The following CCDC7 variants were observed in gnomAD, a reference collection of about 807,000 sequenced individuals.
CCDC7 encodes coiled-coil domain-containing protein 7.
CCDC7 carries 183 observed loss-of-function variants against 196.9 expected under a neutral mutation model. That is an observed-to-expected ratio of 0.93 (90% confidence interval 0.82 to 1.05). The LOEUF (loss-of-function observed/expected upper bound fraction) is 1.05. Ranked by LOEUF, CCDC7 falls within the 50% of genes least tolerant of loss-of-function variation. CCDC7 has a pLI of 0.00. For synonymous variants in CCDC7, 525 were observed against 484.6 expected (o/e 1.08, Z -1.10); for missense variants, 1,540 against 1,482.2 (o/e 1.04, Z -0.64).
intron 25 of CCDC7, among the ~76,000 whole-genome samples, chr10:32,716,386 C>T (rs1482133928): frequency 6.6e-6 from 1 of 152,204 alleles, no homozygotes; most frequent in Non-Finnish European, 1.5e-5. Context: ...CTTACAAGAG[C>T]TCCTGAAGGA....
chr10:32,500,892 G>A (rs1006692836), intron 9 of CCDC7, among the ~76,000 whole-genome samples: 36 of 152,118 alleles, frequency 2.4e-4, no homozygotes, highest in African/African-American at 6.5e-4. Flanking sequence ...CAAAAAATAC[G>A]AAAACCAGTC....
At position 32,720,562 on chromosome 10, in the gene CCDC7, TAAAC is replaced by T. The variant is rs371365059; in HGVS notation, c.2570-6171_2570-6168del. 3.2e-3 allele frequency among the ~76,000 whole-genome samples: 488 copies of T among 152,262 alleles called. 1 individual carries two copies. The highest frequency in any genetic ancestry group is 0.011 in the African/African-American group (459 of 41,550). On this transcript the variant is annotated intron_variant, in intron 25 of 41. Transcript: ENST00000639629. ...TGTTCTGCACATGTATCCCAGAACTTAAACTATAATTATAATTTAAAAAAGACAA... is the reference window on the plus strand; with the variant it reads ...TGTTCTGCACATGTATCCCAGAACTTTATAATTATAATTTAAAAAAGACAA...
intron 18 of CCDC7, among the ~76,000 whole-genome samples, chr10:32,598,526 G>A (rs553826313): frequency 2.6e-5 from 4 of 152,292 alleles, no homozygotes; most frequent in Non-Finnish European, 5.9e-5. Flanking sequence ...AGATGAACCC[G>A]GTACCTCAGT....
chr10:32,873,038 G>A (rs2094484917), intron 41 of CCDC7, among the ~76,000 whole-genome samples: 1 of 152,030 alleles, frequency 6.6e-6, no homozygotes, highest in Admixed American at 6.6e-5. Context: ...TTCTCGAGGA[G>A]TATCTTTTTG....
At chr10:32,465,122 T>TA (rs1266110367) in intron 5 of CCDC7, among the ~76,000 whole-genome samples, 24 of 65,778 alleles carry the variant, frequency 3.6e-4, no homozygotes, top group Admixed American at 2.9e-3. Flanking sequence ...TTTTTTTTTT[T>TA]TAAAGTATTC....
At chr10:32,763,012 A>C (rs2077693757) in intron 28 of CCDC7, among the ~76,000 whole-genome samples, 1 of 151,964 alleles carries the variant, frequency 6.6e-6, no homozygotes, top group Admixed American at 6.6e-5. Flanking sequence ...ATACAAGTGG[A>C]AGTATAATAA....
At chr10:32,787,237 T>G (rs533911671) in intron 29 of CCDC7, among the ~76,000 whole-genome samples, 1 of 151,960 alleles carries the variant, frequency 6.6e-6, no homozygotes, top group Non-Finnish European at 1.5e-5. Context: ...AACTCAGAGA[T>G]CCACACCGAG....
intron 18 of CCDC7, among the ~76,000 whole-genome samples, chr10:32,619,581 C>T (rs2063152321): frequency 6.6e-6 from 1 of 151,952 alleles, no homozygotes; most frequent in African/African-American, 2.4e-5. Flanking sequence ...TTAGCCCTAC[C>T]AGATCTTAGA....
chr10:32,605,800 G>A (rs72795566), intron 18 of CCDC7, among the ~76,000 whole-genome samples: 13,238 of 152,180 alleles, frequency 0.087, 827 homozygotes, highest in East Asian at 0.33. Context: ...TAAAAGGGAA[G>A]CAGAGAATAA....
In CCDC7 at chr10:32,702,336, G is replaced by A. The variant is rs555438683; in HGVS notation, c.2458+7344G>A. The stretch of plus-strand genomic sequence containing the variant: ...TCCATGTAGTTGAGCGGTTTTGAGT[G>A]ACTTTCTTAATCCTGAGTTCTAGTT... On this transcript the variant is annotated intron_variant, in intron 24 of 41. Coordinates refer to ENST00000639629, the Ensembl canonical transcript of CCDC7. 2.0e-5 allele frequency among the ~76,000 whole-genome samples: 3 copies of A among 152,246 alleles called. No individual in the cohort carries two copies. In the East Asian group the frequency reaches 5.8e-4, roughly 29 times the overall value.
chr10:32,544,152 T>C, intron 12 of CCDC7, 95 bp from the exon 14 acceptor site: 1 of 1,066,488 alleles, frequency 9.4e-7, no homozygotes. Flanking sequence ...AAAACTTCAT[T>C]ATTTTAAAAT....
chr10:32,769,201 C>T lies in CCDC7; in HGVS notation c.2906-9776C>T, dbSNP rs374776376. On this transcript the variant is annotated intron_variant, in intron 28 of 41. Coordinates refer to ENST00000639629, the Ensembl canonical transcript of CCDC7. ...TCTTACTACTCCTTATTGGTCTGTT[C>T]AGGATTTCTGTTTCTTCCTGGTTCA... Among the ~76,000 whole-genome samples the T allele has an allele frequency of 3.7e-4, 57 of 152,042 alleles. 1 individual carries two copies. The East Asian group carries it at 4.4e-3, about 12-fold the overall frequency.
chr10:32,470,176 T>C (rs1244567621), intron 5 of CCDC7, among the ~76,000 whole-genome samples: 3 of 152,164 alleles, frequency 2.0e-5, no homozygotes, highest in African/African-American at 7.2e-5. Context: ...AAAAATGAAG[T>C]CTCTGTTCTA....
intron 21 of CCDC7, among the ~76,000 whole-genome samples, chr10:32,677,205 G>T (rs2075137256): frequency 7.4e-6 from 1 of 135,796 alleles, no homozygotes; most frequent in Non-Finnish European, 1.6e-5. Flanking sequence ...TCACACTCTG[G>T]GGACTGTTGT....
intron 16 of CCDC7, among the ~76,000 whole-genome samples, chr10:32,578,183 A>C (rs1400195132): frequency 6.6e-6 from 1 of 152,030 alleles, no homozygotes; most frequent in Non-Finnish European, 1.5e-5. Context: ...TTGAAGAATC[A>C]CCAGGTGTAA....
intron 9 of CCDC7, among the ~76,000 whole-genome samples, chr10:32,505,360 A>ATTAGGGACATGGTGGT (rs2044741731): frequency 6.6e-6 from 1 of 151,928 alleles, no homozygotes; most frequent in Non-Finnish European, 1.5e-5. Context: ...TGGGTACTTG[A>ATTAGGGACATGGTGGT]GATTAGGGAG....
intron 18 of CCDC7, among the ~76,000 whole-genome samples, chr10:32,589,890 T>C (rs571631760): frequency 1.3e-5 from 2 of 152,270 alleles, no homozygotes; most frequent in African/African-American, 4.8e-5. Flanking sequence ...TTTTTTGGTT[T>C]CCATTTGCAT....
intron 9 of CCDC7, 101 bp from the exon 11 acceptor site, chr10:32,517,844 A>G: frequency 1.5e-6 from 2 of 1,342,426 alleles, no homozygotes; most frequent in Non-Finnish European, 2.0e-6. Context: ...GCAGCAACTA[A>G]TTACTGAATA....
intron 24 of CCDC7, among the ~76,000 whole-genome samples, chr10:32,699,763 G>A (rs534141533): frequency 6.7e-6 from 1 of 149,528 alleles, no homozygotes; most frequent in South Asian, 2.1e-4. Flanking sequence ...GTGTGAGATG[G>A]TATCTCATTG....
Sources: allele counts gnomAD v4.1 joint callset (sites outside exome capture counted in the v4.1 genomes callset), GRCh38; gene constraint gnomAD v4.1.1; transcripts MANE v1.5; gene names NCBI Gene and HGNC (gene_info 2026-07-23, HGNC 2026-07-21).